EBF3: variants seen among roughly 807,000 people sequenced by gnomAD.
EBF3 encodes transcription factor COE3.
In EBF3, 18 loss-of-function variants were observed where a neutral mutation model predicts 77.1. The ratio of observed to expected loss-of-function variants is 0.23; its 90% CI spans 0.16 to 0.35. The LOEUF (loss-of-function observed/expected upper bound fraction) is 0.35. Among genes scored for constraint, EBF3 ranks in the 10% least tolerant of loss-of-function variants. EBF3 has a pLI of 1.00. For missense variants in EBF3, 558 were observed against 860.0 expected, an observed-to-expected ratio of 0.65 and a Z score of 4.39; for synonymous variants, 350 against 343.5, an observed-to-expected ratio of 1.02 and a Z score of -0.21.
In EBF3 at chr10:129,836,421, C is replaced by G. The variant is rs555433164; in HGVS notation, c.*1522G>C. 3.9e-5 allele frequency: 6 copies of G among 152,612 alleles called. No homozygotes were observed. The highest frequency in any genetic ancestry group is 1.4e-4 in the African/African-American group (6 of 41,512). The allele number at this position is 152,612 out of a possible 1,614,324, so 9.5% of individuals were successfully genotyped here. On this transcript the variant is annotated 3_prime_UTR_variant, in exon 17 of 17. Coordinates refer to ENST00000440978, the MANE Select transcript of EBF3 (RefSeq NM_001375380.1). ...AATAAAATAAAATAAGGACACAGCC[C>G]CAAACGGTGTCACCTCTTCGCGGCC...
chr10:129,905,057 G>C (rs1476161434), intron 6 of EBF3, among the ~76,000 whole-genome samples: 9 of 152,258 alleles, frequency 5.9e-5, no homozygotes, highest in Admixed American at 5.9e-4. Context: ...CGTCCCACTA[G>C]AGATGTGCCC....
rs752050265 is a variant in EBF3, at chr10:129,963,322, C to G, written c.291+45G>C. 6.4e-7 allele frequency: 1 copy of G among 1,552,520 alleles called. No individual in the cohort carries two copies. Among genetic ancestry groups the G allele is most frequent in the Admixed American group, 1.9e-5 (1 of 51,746 alleles). On this transcript the variant is annotated intron_variant, in intron 2 of 16. Transcript: ENST00000440978. This position sits in a 1 kb window ranked among gnomAD's most constrained non-coding sequence, Gnocchi z 7.1. ...CCCGCGCACCGGCACCGCCTGCCTCCCGCTTCTAGAAAGAGAGAGGGTGTG... is the reference window on the plus strand; with the variant it reads ...CCCGCGCACCGGCACCGCCTGCCTCGCGCTTCTAGAAAGAGAGAGGGTGTG...
rs1267205350 is a variant in EBF3, at chr10:129,938,836, T to C, written c.554+18422A>G. 6.6e-6 allele frequency among the ~76,000 whole-genome samples: 1 copy of C among 152,102 alleles called. No individual in the cohort carries two copies. Among genetic ancestry groups the C allele is most frequent in the Non-Finnish European group, 1.5e-5 (1 of 68,034 alleles). The stretch of plus-strand genomic sequence containing the variant: ...AACCTGGGGAAAGAGAACAGAACTT[T>C]GGGGCAGAACCAGGAAGAACCCACT... On this transcript the variant is annotated intron_variant, in intron 6 of 16. Coordinates refer to ENST00000440978, the MANE Select transcript of EBF3 (RefSeq NM_001375380.1). This position sits in a 1 kb window ranked among gnomAD's most constrained non-coding sequence, Gnocchi z 5.1.
chr10:129,898,555 C>T (rs1035162596), intron 6 of EBF3, among the ~76,000 whole-genome samples: 8 of 152,202 alleles, frequency 5.3e-5, no homozygotes, highest in African/African-American at 1.9e-4. Context: ...GCACGGTTTG[C>T]ATCCGTCGCC....
At chr10:129,892,247 G>A (rs748984129) in intron 6 of EBF3, among the ~76,000 whole-genome samples, 5 of 152,242 alleles carry the variant, frequency 3.3e-5, no homozygotes, top group African/African-American at 7.2e-5. Context: ...GCCAGGAGGC[G>A]GTGCTGGGGT....
In EBF3 at chr10:129,848,365, C is replaced by T. The variant is rs199613085; in HGVS notation, c.1128+27G>A. 68 of 1,605,298 alleles carry T rather than the reference C, an allele frequency of 4.2e-5. 1 individual carries two copies. The East Asian group carries it at 1.1e-3, about 27-fold the overall frequency. On this transcript the variant is annotated intron_variant, in intron 11 of 16. Coordinates refer to ENST00000440978, the MANE Select transcript of EBF3 (RefSeq NM_001375380.1). The surrounding 1 kb of genome is among the most constrained non-coding windows in gnomAD (Gnocchi z 4.4). ...AGCCCAGTGGCGGCCCCACCATGAG[C>T]GGGGTGCCACTTGCTCTTTTACTAA...
At chr10:129,926,604 A>C (rs1169506881) in intron 6 of EBF3, among the ~76,000 whole-genome samples, 1 of 152,088 alleles carries the variant, frequency 6.6e-6, no homozygotes, top group African/African-American at 2.4e-5. Flanking sequence ...GTGGCCAGGG[A>C]GGGGGCTGGG....
chr10:129,844,391 A>G (rs1850307046), intron 11 of EBF3, among the ~76,000 whole-genome samples: 1 of 152,154 alleles, frequency 6.6e-6, no homozygotes, highest in South Asian at 2.1e-4. Context: ...TCACAGACAC[A>G]CCAGCTTATG....
At chr10:129,949,503 G>A (rs1223515191) in intron 6 of EBF3, among the ~76,000 whole-genome samples, 2 of 152,164 alleles carry the variant, frequency 1.3e-5, no homozygotes, top group Non-Finnish European at 2.9e-5. Context: ...GATGGGACTC[G>A]TGGGGGAACG....
chr10:129,898,127 A>C (rs1056613645), intron 6 of EBF3, among the ~76,000 whole-genome samples: 6 of 152,268 alleles, frequency 3.9e-5, no homozygotes, highest in Non-Finnish European at 8.8e-5. Flanking sequence ...AGTAGGTGTC[A>C]GTAATTAAAC....
At chr10:129,962,113 G>A in intron 4 of EBF3, 58 bp downstream of exon 4, 1 of 1,580,596 alleles carries the variant, frequency 6.3e-7, no homozygotes, top group Admixed American at 1.7e-5. Context: ...TGCCTCTGAA[G>A]CCCAGGACAA....
At chr10:129,898,308 C>G (rs565115427) in intron 6 of EBF3, among the ~76,000 whole-genome samples, 7 of 152,178 alleles carry the variant, frequency 4.6e-5, no homozygotes, top group Non-Finnish European at 1.0e-4. Flanking sequence ...AAATCTAATA[C>G]GGGGTCCCGG....
intron 6 of EBF3, among the ~76,000 whole-genome samples, chr10:129,902,069 A>G (rs1223557389): frequency 6.6e-5 from 10 of 152,138 alleles, no homozygotes; most frequent in Admixed American, 6.5e-4. Context: ...GCCTGTGCCT[A>G]CTAGGGGAGC....
intron 6 of EBF3, among the ~76,000 whole-genome samples, chr10:129,942,590 G>A (rs928317824): frequency 7.2e-5 from 11 of 152,114 alleles, no homozygotes; most frequent in African/African-American, 1.4e-4. Context: ...CTCGGGCCCC[G>A]GGGCACTGGG....
intron 6 of EBF3, among the ~76,000 whole-genome samples, chr10:129,883,625 G>A (rs554455809): frequency 4.6e-5 from 7 of 152,130 alleles, no homozygotes; most frequent in South Asian, 2.1e-4. Context: ...GCCCTATTCC[G>A]GATCGAGCCC....
At position 129,947,960 on chromosome 10, in the gene EBF3, A is replaced by G. The variant is rs943450294; in HGVS notation, c.554+9298T>C. On this transcript the variant is annotated intron_variant, in intron 6 of 16. Transcript: ENST00000440978. This position sits in a 1 kb window ranked among gnomAD's most constrained non-coding sequence, Gnocchi z 4.5. ...AAACTTAAATGCCTACTGCTCAGTG[A>G]AAGAAGCCAGTCTGGGTGAGGCACG... is the stretch of plus-strand genomic sequence containing the variant. Among the ~76,000 whole-genome samples the G allele has an allele frequency of 6.6e-6, 1 of 152,170 alleles. No homozygotes were observed. The highest frequency in any genetic ancestry group is 2.4e-5 in the African/African-American group (1 of 41,430).
At position 129,873,451 on chromosome 10, in the gene EBF3, C is replaced by T. The variant is rs1264435742; in HGVS notation, c.781+1G>A. 1.3e-6 allele frequency: 2 copies of T among 1,526,924 alleles called. No homozygotes were observed. The highest frequency in any genetic ancestry group is 1.4e-5 in the African/African-American group (1 of 71,204). The allele number at this position is 1,526,924 out of a possible 1,614,324, so 94.6% of individuals were successfully genotyped here. A position where few individuals can be genotyped will look rare whatever the true frequency, so the allele number is the denominator to read the frequency against. The stretch of plus-strand genomic sequence containing the variant: ...AAAAAAGACATGTAACATGTGCCTA[C>T]CATTTTCCAGATAAGAAGGGGCCGT... On this transcript the variant is annotated splice_donor_variant, in intron 8 of 16. Coordinates refer to ENST00000440978, the MANE Select transcript of EBF3 (RefSeq NM_001375380.1). LOFTEE classifies it high-confidence loss of function.
chr10:129,872,519 T>A (rs1335863681), intron 8 of EBF3, among the ~76,000 whole-genome samples: 2 of 152,198 alleles, frequency 1.3e-5, no homozygotes, highest in Non-Finnish European at 2.9e-5. Context: ...TCTGTCTGCC[T>A]CGTGTGTGGC....
chr10:129,899,793 C>A (rs531957641), intron 6 of EBF3, among the ~76,000 whole-genome samples: 3 of 152,284 alleles, frequency 2.0e-5, no homozygotes, highest in Non-Finnish European at 4.4e-5. Context: ...TTCTCCTCTT[C>A]GCTGATAGCC....
Sources: gnomAD v4.1 joint callset for allele counts (sites outside exome capture counted in the v4.1 genomes callset) on GRCh38, gnomAD v4.1.1 for gene constraint, Gnocchi (gnomAD v3.1) non-coding constraint, MANE v1.5 for transcripts, NCBI Gene and HGNC (gene_info 2026-07-23, HGNC 2026-07-21) for gene names.